The following ARHGEF28 variants were observed in gnomAD, a reference collection of about 807,000 sequenced individuals.
ARHGEF28 encodes the protein Rho guanine nucleotide exchange factor 28.
ARHGEF28 carries 152 observed loss-of-function variants against 206.6 expected under a neutral mutation model. The ratio of observed to expected loss-of-function variants is 0.74; its 90% CI spans 0.64 to 0.84. The LOEUF is 0.84. Among genes scored for constraint, ARHGEF28 ranks in the 40% least tolerant of loss-of-function variants. The pLI is 0.00. For missense variants in ARHGEF28, 2,028 were observed against 2,073.2 expected (o/e 0.98, Z 0.42); for synonymous variants, 763 against 776.4 (o/e 0.98, Z 0.29).
chr5:73,904,354 T>A lies in ARHGEF28; in HGVS notation c.4114-4T>A, dbSNP rs1177823318. 3 of 1,613,400 alleles carry A rather than the reference T, an allele frequency of 1.9e-6. No individual in the cohort carries two copies. Among genetic ancestry groups the A allele is most frequent in the Non-Finnish European group, 2.5e-6 (3 of 1,179,608 alleles). ...AATTTGACACTTACAATTTTGTTTT[T>A]CAGATTATACAAGCCATACAGAATT... is the stretch of plus-strand genomic sequence containing the variant. On this transcript the variant is annotated splice_region_variant and splice_polypyrimidine_tract_variant and intron_variant, in intron 32 of 35. Transcript: ENST00000513042.
intron 25 of ARHGEF28, among the ~76,000 whole-genome samples, chr5:73,887,001 T>A (rs1166680674): frequency 6.6e-6 from 1 of 152,218 alleles, no homozygotes; most frequent in Non-Finnish European, 1.5e-5. Context: ...GCAACTAATA[T>A]CTGAAATGGG....
rs772122374 is a variant in ARHGEF28 at position 73,840,788 on chromosome 5, T to A, written c.1427+28T>A. On this transcript the variant is annotated intron_variant, in intron 11 of 35. Transcript: ENST00000513042. ...AAGAGTCTATATTGTAGAGGAAAAC[T>A]GTAGAACATCAAAGAACCTTATAGG... The A allele has an allele frequency of 5.7e-6, 9 of 1,581,796 alleles. No individual in the cohort carries two copies. In the African/African-American group the frequency reaches 1.1e-4, roughly 19 times the overall value.
chr5:73,927,940 C>T lies in ARHGEF28; in HGVS notation c.4949-12904C>T, dbSNP rs548986604. 2.7e-3 allele frequency among the ~76,000 whole-genome samples: 416 copies of T among 151,998 alleles called. 1 individual carries two copies. Among genetic ancestry groups the T allele is most frequent in the Middle Eastern group, 0.01 (3 of 294 alleles). Reference sequence around the variant, plus strand: ...CAAACGCAAGGCTGTGGCTGTGGTTCGGAAAGATGTTTCAGGGTTTGGTTT... The same window carrying T: ...CAAACGCAAGGCTGTGGCTGTGGTTTGGAAAGATGTTTCAGGGTTTGGTTT... On this transcript the variant is annotated intron_variant, in intron 35 of 35. Transcript: ENST00000513042.
In ARHGEF28 at chr5:73,846,420, A is replaced by T; in HGVS notation, c.1580A>T (p.Asp527Val). 5.6e-6 allele frequency: 9 copies of T among 1,613,974 alleles called. No individual in the cohort carries two copies. The highest frequency in any genetic ancestry group is 7.6e-6 in the Non-Finnish European group (9 of 1,179,864). Reference protein sequence around the residue: ...LDSFETNTEPDFNISRAESLP... With the variant: ...LDSFETNTEPVFNISRAESLP... Reference sequence around the variant, plus strand: ...TCTTTTGAGACTAACACTGAACCGGATTTTAATATCTCCAGGGCTGAATCC... The same window carrying T: ...TCTTTTGAGACTAACACTGAACCGGTTTTTAATATCTCCAGGGCTGAATCC... The change falls in exon 12 of 36, where the codon GAT becomes GTT. Residue 527 changes from aspartate (D) to valine (V), a missense_variant. Transcript: ENST00000513042.
intron 1 of ARHGEF28, among the ~76,000 whole-genome samples, chr5:73,677,595 C>G (rs951863698): frequency 6.6e-6 from 1 of 152,024 alleles, no homozygotes; most frequent in African/African-American, 2.4e-5. Context: ...ACATTTTTAG[C>G]CTGTTTAAAA....
At chr5:73,850,043 T>C (rs1363490754) in intron 13 of ARHGEF28, among the ~76,000 whole-genome samples, 1 of 135,364 alleles carries the variant, frequency 7.4e-6, no homozygotes, top group Non-Finnish European at 1.6e-5. Flanking sequence ...AAATAGGATT[T>C]ATTTTATTCC....
chr5:73,741,629 C>T, intron 2 of ARHGEF28, among the ~76,000 whole-genome samples: 1 of 143,466 alleles, frequency 7.0e-6, no homozygotes, highest in African/African-American at 2.7e-5. Flanking sequence ...CCATGTTGGC[C>T]AGGCTAGTCT....
chr5:73,747,215 A>G (rs1338549362), intron 2 of ARHGEF28, among the ~76,000 whole-genome samples: 1 of 152,176 alleles, frequency 6.6e-6, no homozygotes, highest in Non-Finnish European at 1.5e-5. Flanking sequence ...CTAGTTTTCA[A>G]TTGCCTGAAA....
intron 31 of ARHGEF28, chr5:73,903,225 T>TA (rs1454503331): frequency 4.6e-5 from 7 of 152,196 alleles, no homozygotes; most frequent in Admixed American, 1.3e-4. Flanking sequence ...TTTTATGGCT[T>TA]AAAATTAGAT....
intron 3 of ARHGEF28, 145 bp from the exon 4 acceptor site, chr5:73,752,764 A>G: frequency 2.3e-6 from 2 of 852,582 alleles, no homozygotes; most frequent in East Asian, 2.7e-5. Flanking sequence ...GCAGTGTGTA[A>G]GGGTAATGGG....
At chr5:73,862,600 C>T (rs751455672) in intron 16 of ARHGEF28, among the ~76,000 whole-genome samples, 8 of 152,096 alleles carry the variant, frequency 5.3e-5, no homozygotes, top group Non-Finnish European at 1.0e-4. Flanking sequence ...TTAATGTCAA[C>T]TAATAGTAGC....
At chr5:73,647,863 G>T (rs978993703) in intron 1 of ARHGEF28, among the ~76,000 whole-genome samples, 1 of 152,228 alleles carries the variant, frequency 6.6e-6, no homozygotes, top group Non-Finnish European at 1.5e-5. Context: ...CCCAGGACAT[G>T]TGCATGTAAT....
chr5:73,915,258 T>C lies in ARHGEF28; in HGVS notation c.4948+3683T>C, dbSNP rs1763147440. ...GCATGGGGCCTGAACATTTTCAGTA[T>C]CATAAATACTCTTTAGCTTTACTTT... On this transcript the variant is annotated intron_variant, in intron 35 of 35. Coordinates refer to ENST00000513042, the MANE Select transcript of ARHGEF28 (RefSeq NM_001177693.2). Among the ~76,000 whole-genome samples, 4 of 152,338 alleles carry C rather than the reference T, an allele frequency of 2.6e-5. No homozygotes were observed. The South Asian group carries it at 8.3e-4, about 32-fold the overall frequency.
intron 2 of ARHGEF28, among the ~76,000 whole-genome samples, chr5:73,743,384 G>A (rs1206175125): frequency 6.6e-6 from 1 of 152,028 alleles, no homozygotes; most frequent in African/African-American, 2.4e-5. Context: ...TTATTTGCCA[G>A]CCCTTGTTAT....
intron 14 of ARHGEF28, among the ~76,000 whole-genome samples, chr5:73,857,125 C>G (rs540814287): frequency 3.9e-5 from 6 of 152,096 alleles, no homozygotes; most frequent in Non-Finnish European, 8.8e-5. Context: ...GTGGGAGAGG[C>G]TGCACCGAGT....
At chr5:73,652,659 T>G (rs1261922108) in intron 1 of ARHGEF28, among the ~76,000 whole-genome samples, 1 of 152,198 alleles carries the variant, frequency 6.6e-6, no homozygotes, top group Non-Finnish European at 1.5e-5. Context: ...GAAATATTGC[T>G]CCGAAAAGGT....
At chr5:73,815,144 T>A (rs1292442682) in intron 9 of ARHGEF28, among the ~76,000 whole-genome samples, 1 of 152,028 alleles carries the variant, frequency 6.6e-6, no homozygotes, top group Non-Finnish European at 1.5e-5. Flanking sequence ...CAGTCGTATA[T>A]TAAAAGGCCA....
chr5:73,748,632 T>C (rs912096935), intron 2 of ARHGEF28, among the ~76,000 whole-genome samples: 6 of 152,118 alleles, frequency 3.9e-5, no homozygotes, highest in Non-Finnish European at 7.4e-5. Flanking sequence ...TCCTCTATCA[T>C]AGGGTAAGGA....
intron 9 of ARHGEF28, among the ~76,000 whole-genome samples, chr5:73,829,619 A>G (rs1296962331): frequency 6.6e-6 from 1 of 152,078 alleles, no homozygotes; most frequent in Non-Finnish European, 1.5e-5. Flanking sequence ...TGACCTTGTG[A>G]TCTGCCTACC....
Sources: gnomAD v4.1 joint callset for allele counts (sites outside exome capture counted in the v4.1 genomes callset) on GRCh38, gnomAD v4.1.1 for gene constraint, MANE v1.5 for transcripts, NCBI Gene and HGNC (gene_info 2026-07-23, HGNC 2026-07-21) for gene names.